Variants in PDE1C observed in about 807,000 individuals in gnomAD.
PDE1C encodes the protein dual specificity calcium/calmodulin-dependent 3',5'-cyclic nucleotide phosphodiesterase 1C.
In PDE1C, 62 loss-of-function variants were observed where a neutral mutation model predicts 93.1. That is an observed-to-expected ratio of 0.67 (90% CI 0.54 to 0.82). The LOEUF (loss-of-function observed/expected upper bound fraction) is 0.82, where lower values mean the gene tolerates loss of function less well. Ranked by LOEUF, PDE1C falls within the 40% of genes least tolerant of loss-of-function variation. The pLI is 0.00. For missense variants in PDE1C, 742 were observed against 884.6 expected, an observed-to-expected ratio of 0.84 and a Z score of 2.04; for synonymous variants, 325 against 310.1, an observed-to-expected ratio of 1.05 and a Z score of -0.50.
intron 2 of PDE1C, among the ~76,000 whole-genome samples, chr7:31,939,253 G>C (rs1805506747): frequency 6.6e-6 from 1 of 152,098 alleles, no homozygotes; most frequent in African/African-American, 2.4e-5. Flanking sequence ...AGGAGAAGGA[G>C]GAGAAAGAGG....
At chr7:31,680,779 C>T in the PDE1C span, among the ~76,000 whole-genome samples, 1 of 152,024 alleles carries the variant, frequency 6.6e-6, no homozygotes, top group African/African-American at 2.4e-5. Context: ...AGAGGCTGGA[C>T]AAAAAATACA....
chr7:32,366,159 TAC>T (rs1784225308), intron 1 of PDE1C, among the ~76,000 whole-genome samples: 2 of 152,202 alleles, frequency 1.3e-5, no homozygotes, highest in South Asian at 4.1e-4. Context: ...TAGAAGAGAA[TAC>T]AGATAGACAA....
chr7:31,711,347 T>TTGC, the PDE1C span, among the ~76,000 whole-genome samples: 1 of 152,222 alleles, frequency 6.6e-6, no homozygotes, highest in Non-Finnish European at 1.5e-5. Flanking sequence ...GCCCTTGCAT[T>TTGC]TGCTCAGTCT....
chr7:31,881,334 G>A (rs570514973), intron 2 of PDE1C, among the ~76,000 whole-genome samples: 8 of 152,074 alleles, frequency 5.3e-5, no homozygotes, highest in African/African-American at 1.9e-4. Context: ...AACCACAAGA[G>A]GGCTACAGAA....
intron 1 of PDE1C, among the ~76,000 whole-genome samples, chr7:32,357,456 T>C (rs1163053390): frequency 6.6e-6 from 1 of 152,250 alleles, no homozygotes; most frequent in Non-Finnish European, 1.5e-5. Context: ...AGTTCTGTCT[T>C]CTTTCTGTTC....
chr7:31,919,442 C>T (rs145061469), intron 2 of PDE1C, among the ~76,000 whole-genome samples: 7 of 152,188 alleles, frequency 4.6e-5, no homozygotes, highest in African/African-American at 1.7e-4. Context: ...TTGTTAAGTA[C>T]TTAGAATACC....
chr7:32,121,681 C>T (rs559409051), intron 3 of PDE1C, among the ~76,000 whole-genome samples: 8 of 152,218 alleles, frequency 5.3e-5, no homozygotes, highest in African/African-American at 1.9e-4. Context: ...TGAGGGATTT[C>T]GTCACCACCA....
At chr7:32,383,849 C>G (rs76234770) in intron 1 of PDE1C, among the ~76,000 whole-genome samples, 1 of 152,214 alleles carries the variant, frequency 6.6e-6, no homozygotes, top group Non-Finnish European at 1.5e-5. Flanking sequence ...CCAACTCTTA[C>G]AATCAGTGAA....
At chr7:31,759,405 A>G (rs1794688115) in intron 17 of PDE1C, among the ~76,000 whole-genome samples, 1 of 152,186 alleles carries the variant, frequency 6.6e-6, no homozygotes, top group Admixed American at 6.5e-5. Context: ...CCAGTCGTAC[A>G]ATCCCCGACC....
At chr7:32,349,588 T>A (rs1046636503) in intron 1 of PDE1C, among the ~76,000 whole-genome samples, 1 of 152,208 alleles carries the variant, frequency 6.6e-6, no homozygotes, top group Non-Finnish European at 1.5e-5. Flanking sequence ...TATTAAGTAA[T>A]GCATTTGTCA....
At chr7:32,128,299 A>G (rs191888986) in intron 3 of PDE1C, among the ~76,000 whole-genome samples, 6 of 152,060 alleles carry the variant, frequency 3.9e-5, no homozygotes, top group Admixed American at 1.3e-4. Flanking sequence ...AAATATTTAT[A>G]TGTAGTGGAA....
chr7:31,626,412 A>C, the PDE1C span, among the ~76,000 whole-genome samples: 357 of 152,332 alleles, frequency 2.3e-3, no homozygotes, highest in Non-Finnish European at 4.0e-3. Flanking sequence ...TAACTTTTAA[A>C]ATTATCATAA....
At chr7:31,967,389 A>C (rs937020077) in intron 2 of PDE1C, among the ~76,000 whole-genome samples, 8 of 152,080 alleles carry the variant, frequency 5.3e-5, no homozygotes, top group African/African-American at 1.9e-4. Flanking sequence ...TGACACATAC[A>C]CTCTCCCAAG....
At chr7:32,083,130 A>G (rs1796820982) in intron 3 of PDE1C, among the ~76,000 whole-genome samples, 1 of 152,170 alleles carries the variant, frequency 6.6e-6, no homozygotes, top group Non-Finnish European at 1.5e-5. Context: ...ATGTATAACT[A>G]GAATAACCAA....
chr7:31,854,442 A>G (rs1793743997), intron 7 of PDE1C, among the ~76,000 whole-genome samples: 1 of 152,244 alleles, frequency 6.6e-6, no homozygotes, highest in Non-Finnish European at 1.5e-5. Flanking sequence ...CAAGTCACAG[A>G]TGCTATCAGT....
intron 1 of PDE1C, among the ~76,000 whole-genome samples, chr7:32,069,881 G>A (rs1427617557): frequency 2.6e-5 from 4 of 152,178 alleles, no homozygotes; most frequent in South Asian, 4.1e-4. Flanking sequence ...TTAACTGTTG[G>A]TAAGTTCTTG....
At chr7:31,884,616 C>G in intron 2 of PDE1C, among the ~76,000 whole-genome samples, 1 of 152,198 alleles carries the variant, frequency 6.6e-6, no homozygotes, top group Non-Finnish European at 1.5e-5. Flanking sequence ...CTTTCAAATT[C>G]TGTTGAGCTT....
intron 2 of PDE1C, among the ~76,000 whole-genome samples, chr7:32,034,108 AT>A (rs1298200665): frequency 1.3e-5 from 2 of 149,058 alleles, no homozygotes; most frequent in African/African-American, 2.5e-5. Flanking sequence ...TGTAAAGTGT[AT>A]TTTTTTACTG....
chr7:31,701,335 G>A, the PDE1C span, among the ~76,000 whole-genome samples: 4 of 152,198 alleles, frequency 2.6e-5, no homozygotes, highest in Non-Finnish European at 4.4e-5. Context: ...GAAATAGCAA[G>A]AGAATTAGAA....
Sources: allele counts gnomAD v4.1 joint callset (sites outside exome capture counted in the v4.1 genomes callset), GRCh38; gene constraint gnomAD v4.1.1; transcripts MANE v1.5; gene names NCBI Gene and HGNC (gene_info 2026-07-23, HGNC 2026-07-21).